ALCAM: variants seen among roughly 807,000 people sequenced by gnomAD.
The protein encoded by ALCAM is CD166 antigen.
Under a neutral mutation model 70.9 loss-of-function variants are expected in ALCAM, and 30 were observed. The ratio of observed to expected loss-of-function variants is 0.42; its 90% CI spans 0.32 to 0.57. ALCAM has a LOEUF of 0.57. Ranked by LOEUF, ALCAM falls within the 20% of genes least tolerant of loss-of-function variation. The probability of loss-of-function intolerance (pLI) is 0.11; values close to 1 mark genes in which losing one functional copy is unlikely to be tolerated. For synonymous variants in ALCAM, 249 were observed against 242.5 expected (o/e 1.03, Z -0.25); for missense variants, 591 against 695.1 (o/e 0.85, Z 1.68).
intron 8 of ALCAM, chr3:105,544,565 T>C (rs1021743294): frequency 5.2e-5 from 8 of 152,446 alleles, no homozygotes; most frequent in African/African-American, 1.9e-4. Flanking sequence ...CATTGACTTA[T>C]AAGGTCATTA....
At chr3:105,374,682 A>G (rs967603984) in intron 1 of ALCAM, among the ~76,000 whole-genome samples, 30 of 151,786 alleles carry the variant, frequency 2.0e-4, no homozygotes, top group South Asian at 4.2e-4. Flanking sequence ...TCGCCCAGCT[A>G]ATTTTGTGTA....
chr3:105,449,184 A>G (rs1290906835), intron 1 of ALCAM, among the ~76,000 whole-genome samples: 3 of 151,854 alleles, frequency 2.0e-5, no homozygotes, highest in Non-Finnish European at 4.4e-5. Context: ...TTCTTATTAA[A>G]CTCTGGGTTC....
intron 1 of ALCAM, among the ~76,000 whole-genome samples, chr3:105,388,768 T>G (rs888830309): frequency 6.6e-6 from 1 of 151,614 alleles, no homozygotes; most frequent in African/African-American, 2.4e-5. Flanking sequence ...ATTCATATAT[T>G]TTGAACTTAA....
chr3:105,416,806 A>C (rs1251328348), intron 1 of ALCAM, among the ~76,000 whole-genome samples: 1 of 151,984 alleles, frequency 6.6e-6, no homozygotes, highest in Non-Finnish European at 1.5e-5. Flanking sequence ...GATATAATTC[A>C]TTTTCATAAT....
chr3:105,507,472 C>T (rs1246576124), intron 1 of ALCAM, among the ~76,000 whole-genome samples: 3 of 152,168 alleles, frequency 2.0e-5, no homozygotes, highest in Non-Finnish European at 2.9e-5. Flanking sequence ...TCTTTACTAT[C>T]TCCATAGTTT....
intron 1 of ALCAM, among the ~76,000 whole-genome samples, chr3:105,429,865 T>G (rs1445982602): frequency 6.6e-6 from 1 of 151,998 alleles, no homozygotes; most frequent in Admixed American, 6.6e-5. Flanking sequence ...AAAATTCATT[T>G]CTATATTGTA....
At chr3:105,489,994 C>T (rs1938539423) in intron 1 of ALCAM, among the ~76,000 whole-genome samples, 1 of 152,182 alleles carries the variant, frequency 6.6e-6, no homozygotes, top group Admixed American at 6.5e-5. Flanking sequence ...ATTAGTGCTG[C>T]TGCTGTTAGT....
chr3:105,504,853 C>A (rs560884497), intron 1 of ALCAM, among the ~76,000 whole-genome samples: 1 of 152,302 alleles, frequency 6.6e-6, no homozygotes, highest in East Asian at 1.9e-4. Context: ...CCAGGGACCA[C>A]GTCCCCCTCT....
chr3:105,485,912 A>G (rs910164968), intron 1 of ALCAM, among the ~76,000 whole-genome samples: 35 of 152,106 alleles, frequency 2.3e-4, no homozygotes, highest in Admixed American at 7.2e-4. Context: ...AATTACATCA[A>G]TTTACCAAAA....
chr3:105,482,151 C>A (rs1357937039), intron 1 of ALCAM, among the ~76,000 whole-genome samples: 1 of 152,120 alleles, frequency 6.6e-6, no homozygotes, highest in Non-Finnish European at 1.5e-5. Flanking sequence ...CTCACTCTGT[C>A]GCCCACGCTA....
intron 1 of ALCAM, among the ~76,000 whole-genome samples, chr3:105,516,049 T>C (rs1046862118): frequency 6.6e-6 from 1 of 151,980 alleles, no homozygotes; most frequent in African/African-American, 2.4e-5. Flanking sequence ...CGGATGATGA[T>C]GCTATTAATG....
chr3:105,438,333 C>T (rs995015689), intron 1 of ALCAM, among the ~76,000 whole-genome samples: 5 of 152,112 alleles, frequency 3.3e-5, no homozygotes, highest in Non-Finnish European at 7.4e-5. Flanking sequence ...ATTCATAATT[C>T]GGACTCCTTG....
intron 1 of ALCAM, among the ~76,000 whole-genome samples, chr3:105,511,638 A>C (rs1487815008): frequency 6.6e-6 from 1 of 152,084 alleles, no homozygotes; most frequent in African/African-American, 2.4e-5. Flanking sequence ...AATATGTGGA[A>C]AAATCTATTA....
chr3:105,549,535 A>G (rs1940341486), intron 11 of ALCAM, among the ~76,000 whole-genome samples: 1 of 151,486 alleles, frequency 6.6e-6, no homozygotes, highest in African/African-American at 2.4e-5. Flanking sequence ...TGTATTTTAT[A>G]TTTGAAGGAA....
chr3:105,472,899 C>T lies in ALCAM; in HGVS notation c.74-47168C>T, dbSNP rs561325431. Among the ~76,000 whole-genome samples the T allele has an allele frequency of 1.1e-3, 173 of 151,374 alleles. 1 individual carries two copies. Among genetic ancestry groups the T allele is most frequent in the African/African-American group, 3.9e-3 (162 of 41,400 alleles). ...TCAAAATATAATTAGCATGATTCAA[C>T]GGAATAATGTATAAAAATGATTAGT... On this transcript the variant is annotated intron_variant, in intron 1 of 15. Coordinates refer to ENST00000306107, the MANE Select transcript of ALCAM (RefSeq NM_001627.4).
rs1434032294 is a variant in ALCAM, at chr3:105,524,159, T to A, written c.175-130T>A. On this transcript the variant is annotated intron_variant, in intron 2 of 15. Transcript: ENST00000306107. ...ATCAAATATTTACGTGAGACTTGTA[T>A]AAAAATTATTCTTCGTAGACAAAAA... The A allele has an allele frequency of 3.8e-6, 3 of 784,744 alleles. No individual in the cohort carries two copies. In the East Asian group the frequency reaches 8.1e-5, roughly 21 times the overall value. 48.6% of individuals were successfully genotyped at this position (784,744 alleles called of 1,614,324 possible).
chr3:105,385,916 G>T (rs552734940), intron 1 of ALCAM, among the ~76,000 whole-genome samples: 1 of 151,684 alleles, frequency 6.6e-6, no homozygotes, highest in Non-Finnish European at 1.5e-5. Context: ...TCAGATCTGT[G>T]GTGGGTGCTG....
At chr3:105,406,644 C>T (rs1029360766) in intron 1 of ALCAM, among the ~76,000 whole-genome samples, 1 of 148,296 alleles carries the variant, frequency 6.7e-6, no homozygotes, top group Non-Finnish European at 1.5e-5. Flanking sequence ...ACTGGAGGAA[C>T]AAAAACAATC....
At chr3:105,459,114 AG>A (rs961834734) in intron 1 of ALCAM, among the ~76,000 whole-genome samples, 11 of 152,142 alleles carry the variant, frequency 7.2e-5, no homozygotes, top group African/African-American at 2.7e-4. Flanking sequence ...CCCCACTCAT[AG>A]TCTATGAGTA....
Sources: allele counts gnomAD v4.1 joint callset (sites outside exome capture counted in the v4.1 genomes callset), GRCh38; gene constraint gnomAD v4.1.1; transcripts MANE v1.5; gene names NCBI Gene and HGNC (gene_info 2026-07-23, HGNC 2026-07-21).